Variants in DNAI4 observed in about 807,000 individuals in gnomAD.
DNAI4 encodes the protein dynein axonemal intermediate chain 4.
A neutral mutation model predicts 105.8 loss-of-function variants in DNAI4; 85 were observed. The observed-to-expected ratio is 0.80, with a 90% confidence interval of 0.67 to 0.96. The LOEUF is 0.96. Among genes scored for constraint, DNAI4 ranks in the 40% least tolerant of loss-of-function variants. The pLI is 0.00. For synonymous variants in DNAI4, 352 were observed against 331.5 expected (o/e 1.06, Z -0.67); for missense variants, 1,014 against 1,005.6 (o/e 1.01, Z -0.11).
chr1:66,854,203 G>A (rs1004469470), intron 7 of DNAI4, among the ~76,000 whole-genome samples: 2 of 152,104 alleles, frequency 1.3e-5, no homozygotes, highest in African/African-American at 2.4e-5. Flanking sequence ...AACAGTCTGG[G>A]CAACATAGTG....
intron 2 of DNAI4, among the ~76,000 whole-genome samples, chr1:66,904,666 A>T (rs1649101627): frequency 6.6e-6 from 1 of 152,118 alleles, no homozygotes; most frequent in South Asian, 2.1e-4. Flanking sequence ...AAAGAGAAAA[A>T]GTTTTAATTT....
chr1:66,922,430 G>C (rs868303995), intron 1 of DNAI4, among the ~76,000 whole-genome samples: 3 of 152,224 alleles, frequency 2.0e-5, no homozygotes, highest in Admixed American at 1.3e-4. Context: ...TGTGTCTGAT[G>C]TGTTGTGGGA....
In DNAI4 at chr1:66,834,055, T is replaced by C; in HGVS notation, c.1827A>G (p.Leu609=). 6.2e-7 allele frequency: 1 copy of C among 1,612,706 alleles called. No homozygotes were observed. The highest frequency in any genetic ancestry group is 8.5e-7 in the Non-Finnish European group (1 of 1,179,274). The change falls in exon 12 of 17, where the codon CTA becomes CTG. Residue 609 remains leucine (L), a synonymous_variant. Coordinates refer to ENST00000371026, the MANE Select transcript of DNAI4 (RefSeq NM_024763.5). ...TTCTTCCATCTGCTGATATAGAAAC[T>C]AGTATTTCTCTTTTGCCATCTCCTG... ...GTTGDGKREI[L]VSISADGRIS...
At chr1:66,885,107 A>G (rs1396358711) in intron 4 of DNAI4, among the ~76,000 whole-genome samples, 2 of 152,200 alleles carry the variant, frequency 1.3e-5, no homozygotes, top group Non-Finnish European at 2.9e-5. Context: ...TGGGTTATTT[A>G]GAATTTTGTG....
chr1:66,883,813 C>T (rs1230692026), intron 4 of DNAI4, among the ~76,000 whole-genome samples: 1 of 152,126 alleles, frequency 6.6e-6, no homozygotes, highest in Non-Finnish European at 1.5e-5. Context: ...TTAACATATC[C>T]ATCACCTCAA....
At chr1:66,896,729 C>A (rs1204425130) in intron 2 of DNAI4, among the ~76,000 whole-genome samples, 1 of 152,190 alleles carries the variant, frequency 6.6e-6, no homozygotes, top group African/African-American at 2.4e-5. Context: ...CAGCTCTCTG[C>A]AGAGTCCCCA....
At chr1:66,824,789 TC>T (rs1232043236) in intron 15 of DNAI4, among the ~76,000 whole-genome samples, 1 of 152,240 alleles carries the variant, frequency 6.6e-6, no homozygotes, top group Non-Finnish European at 1.5e-5. Flanking sequence ...AAGTTGCTTA[TC>T]AGCTTAAGGA....
chr1:66,905,735 A>G (rs1649189689), intron 1 of DNAI4, among the ~76,000 whole-genome samples: 1 of 152,116 alleles, frequency 6.6e-6, no homozygotes, highest in Non-Finnish European at 1.5e-5. Context: ...AATGAGGATA[A>G]TAACAGTACT....
intron 4 of DNAI4, among the ~76,000 whole-genome samples, chr1:66,883,075 T>C (rs1647111454): frequency 6.6e-6 from 1 of 151,982 alleles, no homozygotes; most frequent in African/African-American, 2.4e-5. Context: ...CAAAGTCTAG[T>C]AGTTCGTTGA....
At chr1:66,839,202 C>A (rs181492481) in intron 9 of DNAI4, among the ~76,000 whole-genome samples, 2 of 152,132 alleles carry the variant, frequency 1.3e-5, no homozygotes, top group East Asian at 1.9e-4. Context: ...GAGGCCAAGG[C>A]GGGAGGATCA....
chr1:66,835,147 T>C (rs1383631011), intron 11 of DNAI4, among the ~76,000 whole-genome samples: 1 of 152,074 alleles, frequency 6.6e-6, no homozygotes, highest in Non-Finnish European at 1.5e-5. Flanking sequence ...CAGAAAGGTA[T>C]GTAAGATTCA....
Position 66,909,926 on chromosome 1 carries a change from T to C in DNAI4, c.171-4551A>G, listed in dbSNP as rs79327443. On this transcript the variant is annotated intron_variant, in intron 1 of 16. Coordinates refer to ENST00000371026, the MANE Select transcript of DNAI4 (RefSeq NM_024763.5). ...ATTCATTTGTCACCACTCTTGTTGC[T>C]ACCATCCTGGTCCAAACACTATCCT... Among the ~76,000 whole-genome samples, 923 of 152,324 alleles carry C rather than the reference T, an allele frequency of 6.1e-3. 7 individuals carry two copies. The highest frequency in any genetic ancestry group is 0.021 in the African/African-American group (862 of 41,582).
intron 1 of DNAI4, among the ~76,000 whole-genome samples, chr1:66,924,439 CG>C (rs139088950): frequency 0.078 from 11,935 of 152,222 alleles, 591 homozygotes; most frequent in African/African-American, 0.14. Context: ...CCCAAAGTGC[CG>C]GGATTACAGG....
At chr1:66,837,321 C>T (rs1572621783) in intron 10 of DNAI4, among the ~76,000 whole-genome samples, 2 of 145,716 alleles carry the variant, frequency 1.4e-5, no homozygotes, top group African/African-American at 2.6e-5. Flanking sequence ...GTCGAGATTG[C>T]GCCACTGCAC....
chr1:66,875,000 T>C, intron 4 of DNAI4, 63 bp from the exon 5 acceptor site: 1 of 1,442,804 alleles, frequency 6.9e-7, no homozygotes, highest in Non-Finnish European at 9.4e-7. Flanking sequence ...CATTTTTCCT[T>C]CTAGTCACCA....
At position 66,813,972 on chromosome 1, in the gene DNAI4, T is replaced by C. The variant is rs1038437548; in HGVS notation, c.*158A>G. The C allele has an allele frequency of 3.6e-6, 2 of 557,016 alleles. No homozygotes were observed. The highest frequency in any genetic ancestry group is 3.6e-5 in the Admixed American group (1 of 27,974). 34.5% of individuals were successfully genotyped at this position (557,016 alleles called of 1,614,324 possible). A position where few individuals can be genotyped will look rare whatever the true frequency, so the allele number is the denominator to read the frequency against. ...TCTTAGATTGTAAACTAATCAAATA[T>C]CTCTGAAATAAAAGTTTATTAAATT... On this transcript the variant is annotated 3_prime_UTR_variant, in exon 17 of 17. Transcript: ENST00000371026.
intron 4 of DNAI4, among the ~76,000 whole-genome samples, chr1:66,885,603 T>A (rs1557957235): frequency 6.6e-6 from 1 of 151,914 alleles, no homozygotes; most frequent in East Asian, 1.9e-4. Flanking sequence ...CCTATAATAA[T>A]CCCAGCACTC....
At chr1:66,827,096 T>C (rs781111156) in intron 14 of DNAI4, 50 bp from the exon 15 acceptor site, 3 of 1,464,324 alleles carry the variant, frequency 2.0e-6, no homozygotes, top group East Asian at 2.4e-5. Context: ...ACATCTTTTA[T>C]TTTAAACTTG....
intron 1 of DNAI4, among the ~76,000 whole-genome samples, chr1:66,916,193 A>G (rs1650061947): frequency 1.3e-5 from 2 of 152,152 alleles, no homozygotes. Context: ...GTTCAAGCAT[A>G]TCATGAATAA....
Sources: gnomAD v4.1 joint callset for allele counts (sites outside exome capture counted in the v4.1 genomes callset) on GRCh38, gnomAD v4.1.1 for gene constraint, MANE v1.5 for transcripts, NCBI Gene and HGNC (gene_info 2026-07-23, HGNC 2026-07-21) for gene names.